Variants in RFX8 observed in about 807,000 individuals in gnomAD.
RFX8 encodes the protein DNA-binding protein RFX8.
RFX8 carries 46 observed loss-of-function variants against 54.6 expected under a neutral mutation model. The ratio of observed to expected loss-of-function variants is 0.84; its 90% CI spans 0.67 to 1.08. The LOEUF is 1.08. Ranked by LOEUF, RFX8 falls within the 50% of genes least tolerant of loss-of-function variation. RFX8 has a pLI of 0.00. For synonymous variants in RFX8, 192 were observed against 209.5 expected (o/e 0.92, Z 0.72); for missense variants, 536 against 562.3 (o/e 0.95, Z 0.47).
intron 2 of RFX8, among the ~76,000 whole-genome samples, chr2:101,454,101 T>C (rs1275306992): frequency 1.4e-5 from 2 of 146,984 alleles, no homozygotes; most frequent in African/African-American, 2.5e-5. Flanking sequence ...CCTGTGTTCA[T>C]GTGCTCTCAT....
intron 2 of RFX8, among the ~76,000 whole-genome samples, chr2:101,451,888 G>A (rs1341597609): frequency 1.3e-5 from 2 of 152,084 alleles, no homozygotes; most frequent in African/African-American, 4.8e-5. Context: ...GAGCCCAGGA[G>A]TTTGAGACCC....
chr2:101,412,307 G>A (rs980261141), intron 8 of RFX8, among the ~76,000 whole-genome samples: 13 of 152,300 alleles, frequency 8.5e-5, no homozygotes, highest in African/African-American at 2.9e-4. Context: ...CCCCAAGGAC[G>A]CAACAACACA....
At position 101,454,666 on chromosome 2, in the gene RFX8, C is replaced by T. The variant is rs549911963; in HGVS notation, c.72+12111G>A. Among the ~76,000 whole-genome samples, 16 of 152,298 alleles carry T rather than the reference C, an allele frequency of 1.1e-4. No individual in the cohort carries two copies. The South Asian group carries it at 3.3e-3, about 32-fold the overall frequency. ...TAACCAGTGATGATGAGCATTTTTT[C>T]ATGTGTCTGTTGGCTGCATAAATGT... On this transcript the variant is annotated intron_variant, in intron 2 of 11. Transcript: ENST00000428343.
intron 2 of RFX8, among the ~76,000 whole-genome samples, chr2:101,455,998 C>A (rs1431206620): frequency 6.6e-6 from 1 of 152,134 alleles, no homozygotes. Flanking sequence ...GGAGTTCACT[C>A]ATGATTTGGC....
At chr2:101,437,723 A>G (rs1687856305) in intron 2 of RFX8, among the ~76,000 whole-genome samples, 1 of 152,238 alleles carries the variant, frequency 6.6e-6, no homozygotes, top group Non-Finnish European at 1.5e-5. Flanking sequence ...ACTGTGGTAT[A>G]ATATCACAAC....
At chr2:101,446,976 G>T (rs533995466) in intron 2 of RFX8, among the ~76,000 whole-genome samples, 1 of 152,280 alleles carries the variant, frequency 6.6e-6, no homozygotes, top group African/African-American at 2.4e-5. Flanking sequence ...TTTTGCCAAT[G>T]TAACTTTTCC....
intron 2 of RFX8, among the ~76,000 whole-genome samples, chr2:101,460,713 CTTGGTTTCATG>C (rs1689222357): frequency 1.3e-5 from 2 of 151,174 alleles, no homozygotes; most frequent in South Asian, 2.1e-4. Context: ...CTTGCTTCTG[CTTGGTTTCATG>C]TTGCATCCCT....
intron 2 of RFX8, among the ~76,000 whole-genome samples, chr2:101,427,691 C>T (rs1006690459): frequency 6.6e-6 from 1 of 152,128 alleles, no homozygotes; most frequent in African/African-American, 2.4e-5. Context: ...CTCTTGCCTC[C>T]CACAGCCCCT....
intron 2 of RFX8, among the ~76,000 whole-genome samples, chr2:101,433,834 G>A (rs1022275629): frequency 3.3e-5 from 5 of 152,174 alleles, no homozygotes; most frequent in Admixed American, 6.5e-5. Context: ...GGTTCTCATC[G>A]TAACTCTTCC....
At chr2:101,401,871 T>C (rs1685461159) in intron 11 of RFX8, among the ~76,000 whole-genome samples, 1 of 152,202 alleles carries the variant, frequency 6.6e-6, no homozygotes, top group Non-Finnish European at 1.5e-5. Context: ...TTTGTGCAAG[T>C]CACTCAGCTT....
intron 10 of RFX8, among the ~76,000 whole-genome samples, 165 bp from the exon 11 acceptor site, chr2:101,402,917 A>G (rs1685532483): frequency 1.3e-5 from 2 of 152,200 alleles, no homozygotes; most frequent in Non-Finnish European, 1.5e-5. Flanking sequence ...AGCATCCATC[A>G]GTAGAAAACC....
chr2:101,419,828 T>A (rs2104577152), intron 4 of RFX8, among the ~76,000 whole-genome samples: 2 of 152,238 alleles, frequency 1.3e-5, no homozygotes, highest in East Asian at 3.9e-4. Context: ...CCAAAGAGAC[T>A]CTGAAAAATA....
Position 101,397,667 on chromosome 2 carries a change from G to C in RFX8, c.1303C>G (p.Pro435Ala), listed in dbSNP as rs765492455. Reference protein sequence around the residue: ...TTESAVKLSLPMGQEALITLK... With the variant: ...TTESAVKLSLAMGQEALITLK... ...GTTATGAGGGCTTCTTGTCCCATAG[G>C]AAGGCTGAGTTTAACTGCGCTTTCA... The change falls in exon 12 of 12, where the codon CCT (proline) becomes GCT (alanine). Residue 435 changes from proline (P) to alanine (A), a missense_variant. Physicochemically the swap from Pro to Ala is conservative, Grantham distance 27 (BLOSUM62 -1). Coordinates refer to ENST00000428343, the MANE Select transcript of RFX8 (RefSeq NM_001145664.2). 73 of 1,551,280 alleles carry C rather than the reference G, an allele frequency of 4.7e-5. No homozygotes were observed. The highest frequency in any genetic ancestry group is 1.7e-4 in the Middle Eastern group (1 of 6,012).
intron 2 of RFX8, among the ~76,000 whole-genome samples, chr2:101,451,685 G>A (rs1406151594): frequency 1.3e-4 from 7 of 52,124 alleles, no homozygotes; most frequent in East Asian, 4.4e-4. Context: ...GTGAAACTCC[G>A]TCTCAAAAAA....
intron 2 of RFX8, chr2:101,450,646 A>G (rs900842333): frequency 1.2e-5 from 18 of 1,514,148 alleles, no homozygotes; most frequent in Non-Finnish European, 1.4e-5. Context: ...TAGAAGAAAG[A>G]GCTTTTCTTG....
chr2:101,459,879 A>C lies in RFX8; in HGVS notation c.72+6898T>G, dbSNP rs6543068. 2.0e-5 allele frequency among the ~76,000 whole-genome samples: 3 copies of C among 151,812 alleles called. No homozygotes were observed. The East Asian group carries it at 5.8e-4, about 29-fold the overall frequency. ...GAGGCAGTAGGGCTTGTTGCACTGC[A>C]GTGGGCTGCATCCAGTTCGAGCTTC... On this transcript the variant is annotated intron_variant, in intron 2 of 11. Transcript: ENST00000428343.
chr2:101,408,762 C>T (rs1685909115), intron 9 of RFX8, among the ~76,000 whole-genome samples: 1 of 152,242 alleles, frequency 6.6e-6, no homozygotes, highest in Non-Finnish European at 1.5e-5. Context: ...AACTGGCTTT[C>T]CAGCTCCTTC....
chr2:101,409,015 C>T (rs555090082), intron 9 of RFX8, among the ~76,000 whole-genome samples: 6 of 152,310 alleles, frequency 3.9e-5, no homozygotes, highest in African/African-American at 1.4e-4. Context: ...GTGTGGACTG[C>T]TCCTTCCTTC....
chr2:101,427,821 AGT>A (rs1390000233), intron 2 of RFX8, among the ~76,000 whole-genome samples: 3 of 152,162 alleles, frequency 2.0e-5, no homozygotes, highest in Admixed American at 2.0e-4. Flanking sequence ...GTCCTACTTA[AGT>A]AGAGGGACTT....
Sources: allele counts gnomAD v4.1 joint callset (sites outside exome capture counted in the v4.1 genomes callset), GRCh38; gene constraint gnomAD v4.1.1; transcripts MANE v1.5; gene names NCBI Gene and HGNC (gene_info 2026-07-23, HGNC 2026-07-21).